The following LRRC53 variants were observed in gnomAD, a reference collection of about 807,000 sequenced individuals.
LRRC53 encodes the protein leucine-rich repeat-containing protein 53.
LRRC53 carries 25 observed loss-of-function variants against 13.6 expected under a neutral mutation model. The observed-to-expected ratio is 1.83, with a 90% CI of 1.34 to 2.56. LRRC53 has a LOEUF of 2.56. LRRC53 is among the 30% of genes most tolerant of loss of function. LRRC53 has a pLI of 0.00. For missense variants in LRRC53, 527 were observed against 275.8 expected (o/e 1.91, Z -6.45); for synonymous variants, 204 against 109.8 (o/e 1.86, Z -5.37).
Position 74,506,491 on chromosome 1 carries a change from A to T in LRRC53, c.-27+6035T>A, listed in dbSNP as rs186072297. Among the ~76,000 whole-genome samples the T allele has an allele frequency of 6.8e-4, 103 of 152,274 alleles. 3 individuals carry two copies. In the East Asian group the frequency reaches 0.019, roughly 28 times the overall value. ...TGTGAGACAAGAGAGCTGCTCTCAT[A>T]CTAATCAGTTGTGTGACATGAGCAA... is the stretch of plus-strand genomic sequence containing the variant. On this transcript the variant is annotated intron_variant, in intron 1 of 4. Transcript: ENST00000294635.
chr1:74,494,710 G>A (rs1669241804), intron 1 of LRRC53, among the ~76,000 whole-genome samples: 1 of 152,208 alleles, frequency 6.6e-6, no homozygotes, highest in East Asian at 1.9e-4. Context: ...TTAAATCTTG[G>A]CTTTGCCATG....
chr1:74,518,920 T>C, the LRRC53 span, among the ~76,000 whole-genome samples: 1 of 120,346 alleles, frequency 8.3e-6, no homozygotes, highest in Non-Finnish European at 1.6e-5. Context: ...TTAGGGTACA[T>C]GTGCACATTG....
chr1:74,492,087 C>T lies in LRRC53; in HGVS notation c.-26-8712G>A, dbSNP rs202081102. 1.7e-5 allele frequency: 26 copies of T among 1,520,342 alleles called. No individual in the cohort carries two copies. Among genetic ancestry groups the T allele is most frequent in the Non-Finnish European group, 2.2e-5 (25 of 1,120,446 alleles). The allele number at this position is 1,520,342 out of a possible 1,614,324, so 94.2% of individuals were successfully genotyped here. Reference sequence around the variant, plus strand: ...TATTAAACAATTGAAATTGCCCCTCCTCCACTCAGCTGATGTCTCCTGCAT... The same window carrying T: ...TATTAAACAATTGAAATTGCCCCTCTTCCACTCAGCTGATGTCTCCTGCAT... On this transcript the variant is annotated intron_variant, in intron 1 of 4. Coordinates refer to ENST00000294635, the MANE Select transcript of LRRC53 (RefSeq NM_001382280.1).
At chr1:74,472,266 G>T in intron 4 of LRRC53, 65 bp from the exon 5 acceptor site, 1 of 698,448 alleles carries the variant, frequency 1.4e-6, no homozygotes. Flanking sequence ...CCAAACAGAT[G>T]CGTAGAAACC....
At chr1:74,520,079 G>A in the LRRC53 span, among the ~76,000 whole-genome samples, 5 of 152,122 alleles carry the variant, frequency 3.3e-5, no homozygotes, top group African/African-American at 1.2e-4. Flanking sequence ...ATGGTGATTT[G>A]TGAGATTTTG....
At chr1:74,526,134 CA>C in the LRRC53 span, among the ~76,000 whole-genome samples, 1 of 152,134 alleles carries the variant, frequency 6.6e-6, no homozygotes, top group South Asian at 2.1e-4. Flanking sequence ...TCTGCATGTT[CA>C]AAGAGTTTAG....
intron 1 of LRRC53, among the ~76,000 whole-genome samples, chr1:74,507,223 A>C (rs201094934): frequency 0.016 from 1,908 of 120,044 alleles, no homozygotes; most frequent in Middle Eastern, 0.027. Flanking sequence ...AAATTTCTTC[A>C]CCCCCCCCCC....
chr1:74,507,087 A>C (rs1669941811), intron 1 of LRRC53, among the ~76,000 whole-genome samples: 1 of 152,244 alleles, frequency 6.6e-6, no homozygotes, highest in African/African-American at 2.4e-5. Context: ...TACAAATATT[A>C]CATAGTGTGC....
rs1259740263 is a variant in LRRC53, at chr1:74,470,392, T to G, written c.3230A>C (p.Lys1077Thr). ...ATTTTTCTCTTCTTTCCCTACTATT[T>G]TTATCTCTAGTGCTTCAGTGCCGTC... Reference protein sequence around the residue: ...RNDGTEALEIKIVGKEEKNML... With the variant: ...RNDGTEALEITIVGKEEKNML... Residue 1077 changes from lysine to threonine, a missense_variant, in exon 5 of 5, where the codon AAA (lysine) becomes ACA (threonine). Physicochemically the swap from Lys to Thr is moderately conservative, Grantham distance 78 (BLOSUM62 -1). Transcript: ENST00000294635. 2.5e-6 allele frequency: 1 copy of G among 400,646 alleles called. No individual in the cohort carries two copies. Among genetic ancestry groups the G allele is most frequent in the African/African-American group, 2.1e-5 (1 of 48,710 alleles). 24.8% of individuals were successfully genotyped at this position (400,646 alleles called of 1,614,324 possible).
chr1:74,494,055 GATACCCTGAAGAGTGCAT>G (rs1669211236), intron 1 of LRRC53, among the ~76,000 whole-genome samples: 1 of 152,126 alleles, frequency 6.6e-6, no homozygotes, highest in African/African-American at 2.4e-5. Context: ...GAGCTTCATA[GATACCCTGAAGAGTGCAT>G]ACTTTCCAAC....
chr1:74,484,815 T>C (rs1300063900), intron 1 of LRRC53, among the ~76,000 whole-genome samples: 3 of 152,182 alleles, frequency 2.0e-5, no homozygotes, highest in Non-Finnish European at 2.9e-5. Context: ...TTGGAGGCTA[T>C]AGTGAGTGGC....
At chr1:74,498,458 C>G (rs182347816) in intron 1 of LRRC53, among the ~76,000 whole-genome samples, 163 of 152,252 alleles carry the variant, frequency 1.1e-3, no homozygotes, top group African/African-American at 3.7e-3. Flanking sequence ...ATGTTAAAAA[C>G]AGAAATTCTC....
At chr1:74,473,235 CTT>C (rs933980345) in intron 4 of LRRC53, among the ~76,000 whole-genome samples, 3 of 152,224 alleles carry the variant, frequency 2.0e-5, no homozygotes, top group Admixed American at 1.3e-4. Flanking sequence ...TGTCTTATAA[CTT>C]TTACAGATGA....
chr1:74,471,198 CA>C lies in LRRC53; in HGVS notation c.2423del (p.Leu808ArgfsTer9), dbSNP rs1667916815. 2.5e-6 allele frequency: 1 copy of C among 400,686 alleles called. No homozygotes were observed. Among genetic ancestry groups the C allele is most frequent in the Admixed American group, 4.4e-5 (1 of 22,742 alleles). 24.8% of individuals were successfully genotyped at this position (400,686 alleles called of 1,614,324 possible). A position where few individuals can be genotyped will look rare whatever the true frequency, so the allele number is the denominator to read the frequency against. ...YYQRNTKRAP[L>X]LSANNLRVVN... Reference sequence around the variant, plus strand: ...CTACACGCAAGTTGTTAGCACTGAGCAGGGGGGCACGTTTAGTGTTTCGTTG... The same window carrying C: ...CTACACGCAAGTTGTTAGCACTGAGCGGGGGGCACGTTTAGTGTTTCGTTG... On this transcript the variant is annotated frameshift_variant, in exon 5 of 5. Transcript: ENST00000294635. LOFTEE classifies it low-confidence loss of function (END_TRUNC).
intron 4 of LRRC53, among the ~76,000 whole-genome samples, chr1:74,472,508 A>G (rs1432281743): frequency 6.6e-6 from 1 of 152,160 alleles, no homozygotes; most frequent in Non-Finnish European, 1.5e-5. Flanking sequence ...TTTAAATATG[A>G]ATAGTATGTA....
intron 1 of LRRC53, among the ~76,000 whole-genome samples, chr1:74,494,722 A>G (rs916284012): frequency 1.3e-5 from 2 of 152,248 alleles, no homozygotes; most frequent in Non-Finnish European, 2.9e-5. Flanking sequence ...TTTGCCATGT[A>G]CTAGCTCAAT....
chr1:74,486,397 C>G (rs987147995), intron 1 of LRRC53, among the ~76,000 whole-genome samples: 33 of 151,988 alleles, frequency 2.2e-4, no homozygotes, highest in African/African-American at 8.0e-4. Flanking sequence ...GCTACTTGAT[C>G]ATTCAGATAC....
chr1:74,505,717 G>T (rs1339704582), intron 1 of LRRC53, among the ~76,000 whole-genome samples: 1 of 152,060 alleles, frequency 6.6e-6, no homozygotes, highest in Non-Finnish European at 1.5e-5. Context: ...TATCTCCTTG[G>T]AACCTATGAG....
Position 74,475,665 on chromosome 1 carries a change from A to C in LRRC53, c.1050T>G (p.Thr350=), listed in dbSNP as rs1023240379. ...TTAAGTGGCAGTTGCAGTATCCCTT[A>C]GTGTGGTAATTTCTTGCCTCATGAG... ...LCAHEARNYH[T]KGYCNCHLTQ... Residue 350 remains threonine (T), a synonymous_variant, in exon 4 of 5, where the codon ACT becomes ACG. Transcript: ENST00000294635. 3 of 716,138 alleles carry C rather than the reference A, an allele frequency of 4.2e-6. No homozygotes were observed. The highest frequency in any genetic ancestry group is 7.8e-6 in the Non-Finnish European group (3 of 384,570). The allele number at this position is 716,138 out of a possible 1,614,324, so 44.4% of individuals were successfully genotyped here. A position where few individuals can be genotyped will look rare whatever the true frequency, so the allele number is the denominator to read the frequency against.
Sources: gnomAD v4.1 joint callset for allele counts (sites outside exome capture counted in the v4.1 genomes callset) on GRCh38, gnomAD v4.1.1 for gene constraint, MANE v1.5 for transcripts, NCBI Gene and HGNC (gene_info 2026-07-23, HGNC 2026-07-21) for gene names.